HSF5: variants seen among roughly 807,000 people sequenced by gnomAD.
HSF5 encodes heat shock factor protein 5.
A neutral mutation model predicts 50.8 loss-of-function variants in HSF5; 5 were observed. The observed-to-expected ratio is 0.10, with a 90% CI of 0.05 to 0.21. The LOEUF is 0.21. Among genes scored for constraint, HSF5 ranks in the 10% least tolerant of loss-of-function variants. HSF5 has a pLI of 1.00. For synonymous variants in HSF5, 307 were observed against 307.4 expected, an observed-to-expected ratio of 1.00 and a Z score of 0.02; for missense variants, 564 against 762.6, an observed-to-expected ratio of 0.74 and a Z score of 3.07.
chr17:58,434,978 T>C (rs1039080531), intron 5 of HSF5, among the ~76,000 whole-genome samples: 1 of 152,238 alleles, frequency 6.6e-6, no homozygotes, highest in Non-Finnish European at 1.5e-5. Flanking sequence ...GACTGGCCCT[T>C]TTCCATTATA....
intron 5 of HSF5, among the ~76,000 whole-genome samples, chr17:58,456,605 T>C (rs1310798617): frequency 6.6e-6 from 1 of 152,214 alleles, no homozygotes; most frequent in Non-Finnish European, 1.5e-5. Flanking sequence ...GTGATGGATA[T>C]GGTAATTATC....
intron 2 of HSF5, among the ~76,000 whole-genome samples, chr17:58,472,200 A>T (rs2143795251): frequency 6.6e-6 from 1 of 152,296 alleles, no homozygotes; most frequent in Non-Finnish European, 1.5e-5. Context: ...CAGGTACAAT[A>T]GCTCATGCCT....
chr17:58,472,690 G>A (rs1297205039), intron 2 of HSF5, among the ~76,000 whole-genome samples: 2 of 152,084 alleles, frequency 1.3e-5, no homozygotes, highest in African/African-American at 4.8e-5. Context: ...GCAAACCTGG[G>A]ACTAGAACTA....
At chr17:58,437,708 A>T (rs911530630) in intron 5 of HSF5, among the ~76,000 whole-genome samples, 1 of 152,228 alleles carries the variant, frequency 6.6e-6, no homozygotes, top group Non-Finnish European at 1.5e-5. Context: ...TGAACACATT[A>T]TGAACACTTA....
chr17:58,451,873 A>G (rs1974645837), intron 5 of HSF5, among the ~76,000 whole-genome samples: 1 of 151,946 alleles, frequency 6.6e-6, no homozygotes, highest in Admixed American at 6.6e-5. Context: ...TTAAAAAACA[A>G]TATAAAAGAT....
At chr17:58,476,859 C>T in intron 2 of HSF5, 2 of 1,390,700 alleles carry the variant, frequency 1.4e-6, no homozygotes, top group African/African-American at 1.4e-5. Context: ...TGTTCAATTG[C>T]TTCTTGCTGT....
In HSF5 at chr17:58,488,316, C is replaced by A. The variant is rs1598207054; in HGVS notation, c.-42G>T. 1 of 1,428,352 alleles carries A rather than the reference C, an allele frequency of 7.0e-7. No individual in the cohort carries two copies. The allele number at this position is 1,428,352 out of a possible 1,614,324, so 88.5% of individuals were successfully genotyped here. A position where few individuals can be genotyped will look rare whatever the true frequency, so the allele number is the denominator to read the frequency against. The stretch of plus-strand genomic sequence containing the variant: ...GGCCTCGCCCCCCGAGCCTAGCTCT[C>A]CCACACCGTTCTCGATCCCTCCCCG... On this transcript the variant is annotated 5_prime_UTR_variant, in exon 1 of 6. It introduces an in-frame stop codon into an upstream open reading frame of the 5' UTR. Transcript: ENST00000323777. The surrounding 1 kb of genome is among the most constrained non-coding windows in gnomAD (Gnocchi z 4.1).
chr17:58,441,534 T>C (rs1974497862), intron 5 of HSF5, among the ~76,000 whole-genome samples: 1 of 151,670 alleles, frequency 6.6e-6, no homozygotes, highest in South Asian at 2.1e-4. Flanking sequence ...ATCAATGAAA[T>C]AGAAAACAGA....
In HSF5 at chr17:58,422,099, C is replaced by A. The variant is rs1974235893; in HGVS notation, c.*261G>T. ...CCTTGACTATAACAGAAGGTCAGAA[C>A]TTTTCATTTAAAAGGGATCTGGGCA... On this transcript the variant is annotated 3_prime_UTR_variant, in exon 6 of 6. Coordinates refer to ENST00000323777, the MANE Select transcript of HSF5 (RefSeq NM_001080439.3). The A allele has an allele frequency of 6.7e-5, 26 of 388,140 alleles. No individual in the cohort carries two copies. In the South Asian group the frequency reaches 9.0e-4, roughly 13 times the overall value. The allele number at this position is 388,140 out of a possible 1,614,324, so 24.0% of individuals were successfully genotyped here.
intron 3 of HSF5, 73 bp from the exon 4 acceptor site, chr17:58,463,376 T>C (rs1974821293): frequency 3.3e-6 from 4 of 1,209,886 alleles, no homozygotes; most frequent in Non-Finnish European, 3.5e-6. Flanking sequence ...CTACAATATT[T>C]AGGCTGATGA....
intron 5 of HSF5, 144 bp from the exon 6 acceptor site, chr17:58,422,574 G>T: frequency 1.7e-6 from 1 of 582,494 alleles, no homozygotes; most frequent in Non-Finnish European, 3.0e-6. Context: ...TCTCAATTTC[G>T]GGATATTCCT....
intron 1 of HSF5, among the ~76,000 whole-genome samples, chr17:58,482,709 C>CAAAAAAAA (rs34783781): frequency 1.5e-4 from 2 of 13,454 alleles, no homozygotes; most frequent in East Asian, 2.6e-3. Context: ...GACTCCATCT[C>CAAAAAAAA]AAAAAAAAAA....
chr17:58,468,829 CT>C (rs543681284), intron 2 of HSF5, among the ~76,000 whole-genome samples: 3 of 151,858 alleles, frequency 2.0e-5, no homozygotes, highest in Admixed American at 6.6e-5. Flanking sequence ...TTTTGGATGA[CT>C]TTTTTTAACA....
At chr17:58,431,592 C>T (rs1202496693) in intron 5 of HSF5, among the ~76,000 whole-genome samples, 1 of 152,086 alleles carries the variant, frequency 6.6e-6, no homozygotes, top group African/African-American at 2.4e-5. Context: ...TCTGTAAGAC[C>T]CTGACTAATA....
At chr17:58,425,883 T>G (rs930749015) in intron 5 of HSF5, among the ~76,000 whole-genome samples, 6 of 152,168 alleles carry the variant, frequency 3.9e-5, no homozygotes, top group African/African-American at 1.4e-4. Flanking sequence ...AAATTACTGA[T>G]GCTTGGGGCC....
chr17:58,479,484 G>A (rs551644230), intron 2 of HSF5, among the ~76,000 whole-genome samples: 4 of 152,058 alleles, frequency 2.6e-5, no homozygotes, highest in African/African-American at 9.6e-5. Flanking sequence ...TGTATTTTTA[G>A]TAGAATTGGG....
At chr17:58,473,122 C>T (rs1001165889) in intron 2 of HSF5, among the ~76,000 whole-genome samples, 1 of 152,046 alleles carries the variant, frequency 6.6e-6, no homozygotes, top group Admixed American at 6.6e-5. Context: ...TTTCCAAGCC[C>T]ACAGCTTCCT....
At chr17:58,464,721 C>G (rs1197930375) in intron 3 of HSF5, among the ~76,000 whole-genome samples, 1 of 152,212 alleles carries the variant, frequency 6.6e-6, no homozygotes, top group African/African-American at 2.4e-5. Context: ...CAGCCTCCAC[C>G]TCCCAGGTTC....
intron 5 of HSF5, among the ~76,000 whole-genome samples, chr17:58,439,043 T>C (rs1974464223): frequency 6.6e-6 from 1 of 151,380 alleles, no homozygotes; most frequent in Non-Finnish European, 1.5e-5. Context: ...TTGGTTGAGG[T>C]GGGAGGATCA....
Sources: gnomAD v4.1 joint callset for allele counts (sites outside exome capture counted in the v4.1 genomes callset) on GRCh38, gnomAD v4.1.1 for gene constraint, Gnocchi (gnomAD v3.1) non-coding constraint, MANE v1.5 for transcripts, NCBI Gene and HGNC (gene_info 2026-07-23, HGNC 2026-07-21) for gene names.